The following MMP20 variants were observed in gnomAD, a reference collection of about 807,000 sequenced individuals.
The protein encoded by MMP20 is matrix metalloproteinase-20.
MMP20 carries 50 observed loss-of-function variants against 51.8 expected under a neutral mutation model. The ratio of observed to expected loss-of-function variants is 0.97; its 90% CI spans 0.77 to 1.22. The LOEUF is 1.22. Ranked by LOEUF, MMP20 falls within the 50% of genes most tolerant of loss-of-function variation. The pLI, the probability that MMP20 is intolerant of heterozygous loss-of-function variation, is 0.00. For synonymous variants in MMP20, 244 were observed against 216.2 expected (o/e 1.13, Z -1.13); for missense variants, 663 against 601.4 (o/e 1.10, Z -1.07).
chr11:102,596,906 G>T (rs923821910), intron 6 of MMP20, among the ~76,000 whole-genome samples: 2 of 152,170 alleles, frequency 1.3e-5, no homozygotes, highest in Non-Finnish European at 2.9e-5. Context: ...ATACAGTTTT[G>T]GGTATCCAGA....
chr11:102,598,055 C>A (rs961105556), intron 6 of MMP20, among the ~76,000 whole-genome samples: 2 of 152,110 alleles, frequency 1.3e-5, no homozygotes, highest in African/African-American at 4.8e-5. Context: ...GCGTAGACAC[C>A]ATGCCTGGCC....
At chr11:102,625,071 T>G in intron 1 of MMP20, 123 bp downstream of exon 1, 1 of 1,309,940 alleles carries the variant, frequency 7.6e-7, no homozygotes, top group East Asian at 2.5e-5. Flanking sequence ...CAGTTAGACT[T>G]CAATGGACTT....
intron 2 of MMP20, among the ~76,000 whole-genome samples, chr11:102,616,283 G>C (rs1218170213): frequency 6.6e-6 from 1 of 152,108 alleles, no homozygotes; most frequent in Non-Finnish European, 1.5e-5. Flanking sequence ...TTAGAGCTAT[G>C]CTTTTGCACT....
chr11:102,593,139 T>C (rs930423898), intron 8 of MMP20, among the ~76,000 whole-genome samples: 1 of 152,204 alleles, frequency 6.6e-6, no homozygotes, highest in Non-Finnish European at 1.5e-5. Context: ...AGGGATTTGG[T>C]GATGCTGCAT....
chr11:102,624,401 CATATAT>C lies in MMP20; in HGVS notation c.126+787_126+792del, dbSNP rs58212685. ...TTTAAAAACAAAACACGCTTGGAAG[CATATAT>C]ATATATATATATATATATATATATA... On this transcript the variant is annotated intron_variant, in intron 1 of 9. Transcript: ENST00000260228. Among the ~76,000 whole-genome samples, 780 of 139,616 alleles carry C rather than the reference CATATAT, an allele frequency of 5.6e-3. 4 individuals are homozygous for C. Among genetic ancestry groups the C allele is most frequent in the Non-Finnish European group, 7.9e-3 (513 of 64,530 alleles). 91.6% of individuals were successfully genotyped at this position (139,616 alleles called of 152,430 possible). A position where few individuals can be genotyped will look rare whatever the true frequency, so the allele number is the denominator to read the frequency against.
At position 102,601,125 on chromosome 11, in the gene MMP20, C is replaced by CTTTTTTTTTTTTTTTTTT. The variant is rs1168517234; in HGVS notation, c.953+5392_953+5409dup. Among the ~76,000 whole-genome samples, 2 of 28,266 alleles carry CTTTTTTTTTTTTTTTTTT rather than the reference C, an allele frequency of 7.1e-5. 1 individual carries two copies. Among genetic ancestry groups the CTTTTTTTTTTTTTTTTTT allele is most frequent in the African/African-American group, 3.4e-4 (2 of 5,852 alleles). 18.5% of individuals were successfully genotyped at this position (28,266 alleles called of 152,430 possible). On this transcript the variant is annotated intron_variant, in intron 6 of 9. Transcript: ENST00000260228. ...AAATGACCACGAAGTGTCGGCTATTCTTTTTTTTTTTTTTTTTTTTTTTTT... is the reference window on the plus strand; with the variant it reads ...AAATGACCACGAAGTGTCGGCTATTCTTTTTTTTTTTTTTTTTTTTTTTTTTTTTTTTTTTTTTTTTTT...
intron 6 of MMP20, among the ~76,000 whole-genome samples, chr11:102,604,034 CTTT>C (rs913745939): frequency 7.2e-6 from 1 of 137,976 alleles, no homozygotes; most frequent in Admixed American, 7.2e-5. Context: ...TTTTTTTTTG[CTTT>C]TTTTTAAGAA....
At chr11:102,609,783 G>A (rs1859571611) in intron 4 of MMP20, 122 bp downstream of exon 4, 3 of 1,437,304 alleles carry the variant, frequency 2.1e-6, no homozygotes, top group Non-Finnish European at 2.9e-6. Flanking sequence ...TGGCTTACTT[G>A]TTTTTCCTAG....
chr11:102,583,192 C>A (rs1859215723), intron 8 of MMP20, among the ~76,000 whole-genome samples: 1 of 152,166 alleles, frequency 6.6e-6, no homozygotes, highest in Non-Finnish European at 1.5e-5. Flanking sequence ...AAGGAAATGA[C>A]CCCCAACTAG....
At chr11:102,612,452 G>A (rs1859614613) in intron 2 of MMP20, among the ~76,000 whole-genome samples, 1 of 152,104 alleles carries the variant, frequency 6.6e-6, no homozygotes, top group South Asian at 2.1e-4. Context: ...GTGACACAGT[G>A]AGACTTCACT....
chr11:102,599,295 C>T (rs1859419047), intron 6 of MMP20, among the ~76,000 whole-genome samples: 1 of 152,304 alleles, frequency 6.6e-6, no homozygotes, highest in Admixed American at 6.5e-5. Flanking sequence ...GCTGGGATTA[C>T]AGGCATGAGC....
At chr11:102,601,384 G>T (rs1224199488) in intron 6 of MMP20, among the ~76,000 whole-genome samples, 2 of 37,198 alleles carry the variant, frequency 5.4e-5, no homozygotes, top group African/African-American at 1.4e-4. Context: ...CGCCCGCCTC[G>T]GCCTCCCAAA....
rs753263019 is a variant in MMP20, at chr11:102,611,864, C to T, written c.414G>A (p.Val138=). 3 of 1,614,192 alleles carry T rather than the reference C, an allele frequency of 1.9e-6. No individual in the cohort carries two copies. The highest frequency in any genetic ancestry group is 3.3e-5 in the Admixed American group (2 of 60,032). ...KYTPSMSSVE[V]DKAVEMALQA... ...GCAAGGCCATCTCCACTGCTTTGTC[C>T]ACCTCGACAGAACTCATGGAAGGTG... The change falls in exon 3 of 10, where the codon GTG becomes GTA. Residue 138 remains valine (V), a synonymous_variant. Coordinates refer to ENST00000260228, the MANE Select transcript of MMP20 (RefSeq NM_004771.4).
At chr11:102,619,728 C>A (rs1443016291) in intron 1 of MMP20, among the ~76,000 whole-genome samples, 2 of 151,494 alleles carry the variant, frequency 1.3e-5, no homozygotes, top group Non-Finnish European at 2.9e-5. Context: ...AGTGGTTAAA[C>A]CTTAATAATG....
intron 8 of MMP20, among the ~76,000 whole-genome samples, chr11:102,592,024 T>A (rs1157817583): frequency 1.3e-5 from 2 of 152,174 alleles, no homozygotes; most frequent in Admixed American, 6.5e-5. Flanking sequence ...AACTGAATAA[T>A]CCTAACATAA....
At chr11:102,617,957 C>T (rs1329485670) in intron 1 of MMP20, among the ~76,000 whole-genome samples, 1 of 152,122 alleles carries the variant, frequency 6.6e-6, no homozygotes, top group African/African-American at 2.4e-5. Context: ...GGGAATTGGT[C>T]CCAGGACCTC....
chr11:102,595,033 T>C (rs537970712), intron 6 of MMP20, among the ~76,000 whole-genome samples: 69 of 152,120 alleles, frequency 4.5e-4, no homozygotes, highest in African/African-American at 1.6e-3. Flanking sequence ...GCAATTCTCC[T>C]GCCTCAGCTT....
chr11:102,608,761 T>G (rs1701179627), intron 5 of MMP20, among the ~76,000 whole-genome samples, 176 bp downstream of exon 5: 1 of 152,204 alleles, frequency 6.6e-6, no homozygotes, highest in African/African-American at 2.4e-5. Context: ...CAAAATTTAA[T>G]CACACATCAC....
At chr11:102,578,163 A>G (rs2135925965) in intron 9 of MMP20, among the ~76,000 whole-genome samples, 1 of 141,864 alleles carries the variant, frequency 7.0e-6, no homozygotes, top group South Asian at 2.3e-4. Flanking sequence ...TTTTTTTTTG[A>G]GACAGGGTAT....
Sources: allele counts gnomAD v4.1 joint callset (sites outside exome capture counted in the v4.1 genomes callset), GRCh38; gene constraint gnomAD v4.1.1; transcripts MANE v1.5; gene names NCBI Gene and HGNC (gene_info 2026-07-23, HGNC 2026-07-21).